The following GALNT13 variants were observed in gnomAD, a reference collection of about 807,000 sequenced individuals.
GALNT13 encodes the protein UDP-GalNAc:polypeptide N-acetylgalactosaminyltransferase 13.
GALNT13 carries 28 observed loss-of-function variants against 64.2 expected under a neutral mutation model. That is an observed-to-expected ratio of 0.44 (90% CI 0.32 to 0.60). The LOEUF is 0.60. GALNT13 is among the 20% of genes least tolerant of loss of function. The pLI, the probability that GALNT13 is intolerant of heterozygous loss-of-function variation, is 0.05. For synonymous variants in GALNT13, 214 were observed against 224.6 expected (o/e 0.95, Z 0.42); for missense variants, 577 against 669.8 (o/e 0.86, Z 1.53).
At chr2:153,872,770 C>G (rs1411298774) in intron 1 of GALNT13, among the ~76,000 whole-genome samples, 1 of 152,114 alleles carries the variant, frequency 6.6e-6, no homozygotes, top group East Asian at 2.0e-4. Context: ...GACCCGACAC[C>G]AGGCGCTCCC....
intron 4 of GALNT13, among the ~76,000 whole-genome samples, chr2:154,227,655 T>G (rs917492056): frequency 6.6e-6 from 1 of 151,526 alleles, no homozygotes; most frequent in Non-Finnish European, 1.5e-5. Context: ...ACGAAGGACA[T>G]GAACTCATCC....
intron 4 of GALNT13, among the ~76,000 whole-genome samples, chr2:154,160,091 C>G (rs1684645711): frequency 6.6e-6 from 1 of 152,184 alleles, no homozygotes; most frequent in African/African-American, 2.4e-5. Flanking sequence ...GACTTCTCTT[C>G]CCAGCCTTTA....
the GALNT13 span, among the ~76,000 whole-genome samples, chr2:153,606,274 T>C: frequency 2.6e-5 from 4 of 152,194 alleles, no homozygotes; most frequent in African/African-American, 9.6e-5. Context: ...GTGCTCTGCA[T>C]GCGCTGAAAA....
the GALNT13 span, among the ~76,000 whole-genome samples, chr2:153,707,091 A>G: frequency 6.6e-6 from 1 of 152,144 alleles, no homozygotes; most frequent in Non-Finnish European, 1.5e-5. Context: ...TCCATGTAAG[A>G]TATGACTTGC....
At chr2:153,209,902 C>T in the GALNT13 span, among the ~76,000 whole-genome samples, 1 of 151,958 alleles carries the variant, frequency 6.6e-6, no homozygotes, top group Non-Finnish European at 1.5e-5. Flanking sequence ...AGTTTTATCC[C>T]AATATTTCAT....
the GALNT13 span, among the ~76,000 whole-genome samples, chr2:153,174,052 G>GA: frequency 6.6e-6 from 1 of 152,114 alleles, no homozygotes; most frequent in Non-Finnish European, 1.5e-5. Context: ...ATTCCCACAG[G>GA]CTTGATGCTA....
At chr2:154,225,184 A>AGATAGATAGATAGAT in intron 4 of GALNT13, among the ~76,000 whole-genome samples, 1 of 151,882 alleles carries the variant, frequency 6.6e-6, no homozygotes, top group East Asian at 1.9e-4. Context: ...ATAGATAGAT[A>AGATAGATAGATAGAT]GATAGATAGA....
At chr2:153,954,561 A>T (rs1692433776) in intron 3 of GALNT13, among the ~76,000 whole-genome samples, 1 of 151,322 alleles carries the variant, frequency 6.6e-6, no homozygotes, top group Non-Finnish European at 1.5e-5. Flanking sequence ...ATTAATTATA[A>T]TCAAGATCAC....
intron 3 of GALNT13, among the ~76,000 whole-genome samples, chr2:153,962,389 G>A (rs1259647168): frequency 2.6e-5 from 4 of 152,184 alleles, no homozygotes; most frequent in African/African-American, 4.8e-5. Flanking sequence ...CTCAGCAGGA[G>A]CACTCATGAA....
At chr2:153,523,575 A>G in the GALNT13 span, among the ~76,000 whole-genome samples, 21 of 152,292 alleles carry the variant, frequency 1.4e-4, no homozygotes, top group African/African-American at 5.1e-4. Context: ...TTGAGTGCTA[A>G]TGTAAGTAAT....
chr2:154,188,793 G>A (rs561835894), intron 4 of GALNT13, among the ~76,000 whole-genome samples: 2 of 152,018 alleles, frequency 1.3e-5, no homozygotes, highest in East Asian at 1.9e-4. Flanking sequence ...AAAGTACAAA[G>A]CATATCTCAT....
the GALNT13 span, among the ~76,000 whole-genome samples, chr2:153,614,966 T>C: frequency 3.3e-5 from 5 of 152,116 alleles, no homozygotes; most frequent in African/African-American, 1.2e-4. Flanking sequence ...AAATAGTAGG[T>C]CTTATTCCTT....
chr2:154,346,606 T>C (rs114038713), intron 9 of GALNT13, among the ~76,000 whole-genome samples: 1 of 152,134 alleles, frequency 6.6e-6, no homozygotes, highest in East Asian at 1.9e-4. Context: ...GTGTACCTTT[T>C]GCCTTCTGCC....
intron 3 of GALNT13, among the ~76,000 whole-genome samples, chr2:154,066,221 A>G (rs1314273017): frequency 6.6e-6 from 1 of 152,176 alleles, no homozygotes; most frequent in Non-Finnish European, 1.5e-5. Flanking sequence ...AAGCACACCT[A>G]CAGGATCTAG....
chr2:153,912,754 G>T (rs892762086), intron 2 of GALNT13, among the ~76,000 whole-genome samples: 1 of 152,066 alleles, frequency 6.6e-6, no homozygotes, highest in African/African-American at 2.4e-5. Flanking sequence ...TTGTTTTCTG[G>T]CCCCTCATGG....
intron 9 of GALNT13, among the ~76,000 whole-genome samples, chr2:154,390,707 C>T (rs1194837719): frequency 6.6e-6 from 1 of 152,114 alleles, no homozygotes; most frequent in African/African-American, 2.4e-5. Flanking sequence ...TATCATTTAC[C>T]TATTAATGAA....
intron 3 of GALNT13, among the ~76,000 whole-genome samples, chr2:153,952,848 G>A (rs1029952423): frequency 1.4e-4 from 21 of 152,148 alleles, no homozygotes; most frequent in African/African-American, 5.1e-4. Context: ...AACCACTGGT[G>A]TAAGTCCAAA....
chr2:154,345,968 A>G (rs1461331481), intron 9 of GALNT13, among the ~76,000 whole-genome samples: 2 of 152,054 alleles, frequency 1.3e-5, no homozygotes, highest in African/African-American at 2.4e-5. Flanking sequence ...CAAAATTTCC[A>G]TTTTAGCCTA....
At chr2:153,769,557 G>A in the GALNT13 span, among the ~76,000 whole-genome samples, 1 of 152,006 alleles carries the variant, frequency 6.6e-6, no homozygotes, top group African/African-American at 2.4e-5. Context: ...CATATGCCTT[G>A]GTGTGGTTCT....
Sources: gnomAD v4.1 joint callset for allele counts (sites outside exome capture counted in the v4.1 genomes callset) on GRCh38, gnomAD v4.1.1 for gene constraint, MANE v1.5 for transcripts, NCBI Gene and HGNC (gene_info 2026-07-23, HGNC 2026-07-21) for gene names.